GRIK2: variants seen among roughly 807,000 people sequenced by gnomAD.
GRIK2 encodes glutamate ionotropic receptor kainate type subunit 2.
In GRIK2, 32 loss-of-function variants were observed where a neutral mutation model predicts 100.3. The observed-to-expected ratio is 0.32, with a 90% confidence interval of 0.24 to 0.43. The LOEUF (loss-of-function observed/expected upper bound fraction) is 0.43, where lower values mean the gene tolerates loss of function less well. Ranked by LOEUF, GRIK2 falls within the 20% of genes least tolerant of loss-of-function variation. The pLI is 1.00. For synonymous variants in GRIK2, 417 were observed against 389.4 expected (o/e 1.07, Z -0.83); for missense variants, 843 against 1,114.9 (o/e 0.76, Z 3.47).
At chr6:101,588,690 G>C (rs1208534032) in intron 2 of GRIK2, among the ~76,000 whole-genome samples, 2 of 79,158 alleles carry the variant, frequency 2.5e-5, no homozygotes, top group African/African-American at 1.1e-4. Flanking sequence ...ACACAGAAAA[G>C]AAAGAAAGAA....
intron 2 of GRIK2, among the ~76,000 whole-genome samples, chr6:101,534,064 C>T (rs868022218): frequency 6.6e-6 from 1 of 151,670 alleles, no homozygotes; most frequent in Admixed American, 6.6e-5. Flanking sequence ...CAAGATAATA[C>T]AGATATTTTC....
At chr6:101,498,611 A>G (rs1773579569) in intron 2 of GRIK2, among the ~76,000 whole-genome samples, 1 of 151,148 alleles carries the variant, frequency 6.6e-6, no homozygotes, top group African/African-American at 2.4e-5. Flanking sequence ...CATTTCTCTG[A>G]TGGCCAGTGA....
chr6:101,568,946 G>T (rs1427608535), intron 2 of GRIK2, among the ~76,000 whole-genome samples: 1 of 151,922 alleles, frequency 6.6e-6, no homozygotes, highest in Admixed American at 6.6e-5. Flanking sequence ...AACTTGCCTG[G>T]AGTCCTGTGT....
At chr6:102,015,012 A>G (rs1469399734) in intron 14 of GRIK2, among the ~76,000 whole-genome samples, 4 of 152,080 alleles carry the variant, frequency 2.6e-5, no homozygotes, top group Admixed American at 6.6e-5. Flanking sequence ...TTCTGACTCA[A>G]TGATCTGTCT....
intron 10 of GRIK2, among the ~76,000 whole-genome samples, chr6:101,858,827 G>T (rs1025951438): frequency 6.6e-6 from 1 of 151,598 alleles, no homozygotes; most frequent in Non-Finnish European, 1.5e-5. Flanking sequence ...CACATAGTAG[G>T]CAATTAGTCA....
At chr6:102,022,711 T>C (rs1017887920) in intron 14 of GRIK2, among the ~76,000 whole-genome samples, 4 of 151,688 alleles carry the variant, frequency 2.6e-5, no homozygotes, top group African/African-American at 9.7e-5. Context: ...TTTTTTATAA[T>C]CTAGTGTTCC....
intron 2 of GRIK2, among the ~76,000 whole-genome samples, chr6:101,497,078 G>A (rs728024): frequency 0.61 from 92,151 of 151,978 alleles, 28,967 homozygotes; most frequent in African/African-American, 0.77. Flanking sequence ...TTCCAAGCAT[G>A]CTAAATTCCT....
intron 2 of GRIK2, among the ~76,000 whole-genome samples, chr6:101,525,767 G>A (rs1436576159): frequency 3.9e-5 from 6 of 152,148 alleles, no homozygotes; most frequent in African/African-American, 1.4e-4. Context: ...ACAACTTTAT[G>A]AAAATAATGT....
At chr6:102,035,282 G>A in intron 14 of GRIK2, 59 bp from the exon 15 acceptor site, 3 of 871,106 alleles carry the variant, frequency 3.4e-6, no homozygotes, top group Non-Finnish European at 5.7e-6. Context: ...AGCATTATAG[G>A]AGCACATGGA....
intron 1 of GRIK2, among the ~76,000 whole-genome samples, chr6:101,398,520 C>T (rs1460620461): frequency 6.6e-6 from 1 of 152,174 alleles, no homozygotes; most frequent in African/African-American, 2.4e-5. Flanking sequence ...GTTAGATTTG[C>T]AGTAAATTCC....
At chr6:101,889,605 C>CTTTTTTT (rs2243354) in intron 11 of GRIK2, 35 bp from the exon 12 acceptor site, 93 of 712,434 alleles carry the variant, frequency 1.3e-4, no homozygotes, top group Middle Eastern at 5.9e-4. Flanking sequence ...TTCTTTCTTT[C>CTTTTTTT]TTTTTTTTTT....
intron 4 of GRIK2, among the ~76,000 whole-genome samples, chr6:101,656,680 A>G (rs146632082): frequency 2.0e-4 from 30 of 152,236 alleles, no homozygotes; most frequent in African/African-American, 6.8e-4. Flanking sequence ...GCTACCTTAA[A>G]AAACACAGAA....
chr6:102,053,569 T>A (rs1036811939), intron 15 of GRIK2, among the ~76,000 whole-genome samples: 3 of 152,220 alleles, frequency 2.0e-5, no homozygotes, highest in Non-Finnish European at 4.4e-5. Flanking sequence ...GTTTCATTAG[T>A]GTTCTTTAGT....
chr6:101,940,102 C>G (rs2128475293), intron 14 of GRIK2, among the ~76,000 whole-genome samples: 1 of 152,206 alleles, frequency 6.6e-6, no homozygotes, highest in African/African-American at 2.4e-5. Flanking sequence ...AGATAAACAG[C>G]AAAAGTTCTT....
intron 2 of GRIK2, among the ~76,000 whole-genome samples, chr6:101,433,568 G>C (rs574419058): frequency 1.8e-4 from 27 of 152,128 alleles, no homozygotes; most frequent in Admixed American, 7.9e-4. Flanking sequence ...TATGTTGTCT[G>C]ATCTGATGTG....
chr6:101,446,937 T>C (rs1290301783), intron 2 of GRIK2, among the ~76,000 whole-genome samples: 2 of 148,106 alleles, frequency 1.4e-5, no homozygotes, highest in African/African-American at 4.9e-5. Context: ...ATATATAATA[T>C]ATATTTTATG....
At chr6:101,508,036 A>G (rs758329841) in intron 2 of GRIK2, among the ~76,000 whole-genome samples, 16 of 152,060 alleles carry the variant, frequency 1.1e-4, no homozygotes, top group Non-Finnish European at 2.2e-4. Context: ...AAATTTAGAC[A>G]ATTAGATGGT....
intron 2 of GRIK2, among the ~76,000 whole-genome samples, chr6:101,582,734 TACAC>T (rs1778160898): frequency 6.6e-6 from 1 of 152,138 alleles, no homozygotes; most frequent in Admixed American, 6.6e-5. Flanking sequence ...GAGCATGAAA[TACAC>T]ACATAAAGGG....
chr6:101,972,826 T>G (rs113871502), intron 14 of GRIK2, among the ~76,000 whole-genome samples: 2 of 151,940 alleles, frequency 1.3e-5, no homozygotes, highest in Non-Finnish European at 2.9e-5. Flanking sequence ...GGCTTGTTTT[T>G]GTCAGCTTTG....
Sources: allele counts gnomAD v4.1 joint callset (sites outside exome capture counted in the v4.1 genomes callset), GRCh38; gene constraint gnomAD v4.1.1; transcripts MANE v1.5; gene names NCBI Gene and HGNC (gene_info 2026-07-23, HGNC 2026-07-21).